Variants in SEM1 observed in about 807,000 individuals in gnomAD.
The protein encoded by SEM1 is SEM1 26S proteasome subunit.
Under a neutral mutation model 12.7 loss-of-function variants are expected in SEM1, and 3 were observed. That is an observed-to-expected ratio of 0.24 (90% CI 0.11 to 0.61). The LOEUF (loss-of-function observed/expected upper bound fraction) is 0.61. Ranked by LOEUF, SEM1 falls within the 20% of genes least tolerant of loss-of-function variation. SEM1 has a pLI of 0.88. For synonymous variants in SEM1, 30 were observed against 27.8 expected (o/e 1.08, Z -0.25); for missense variants, 59 against 81.3 (o/e 0.73, Z 1.06).
At chr7:96,705,921 G>A (rs1790442704) in intron 1 of SEM1, among the ~76,000 whole-genome samples, 1 of 151,894 alleles carries the variant, frequency 6.6e-6, no homozygotes, top group African/African-American at 2.4e-5. Context: ...ATCTTCTCTA[G>A]ACTTTTAAGT....
chr7:96,682,319 T>C (rs572074622), intron 2 of SEM1, among the ~76,000 whole-genome samples: 194 of 152,252 alleles, frequency 1.3e-3, no homozygotes, highest in South Asian at 2.9e-3. Context: ...TATACAACCA[T>C]GTCATCTACA....
intron 3 of SEM1, chr7:96,484,809 A>G (rs1563022097): frequency 7.8e-7 from 1 of 1,279,624 alleles, no homozygotes; most frequent in African/African-American, 1.5e-5. Flanking sequence ...ATCCATTTAT[A>G]TCTTTGTTCC....
intron 2 of SEM1, among the ~76,000 whole-genome samples, chr7:96,577,748 A>T (rs1030430895): frequency 6.6e-6 from 1 of 152,052 alleles, no homozygotes; most frequent in Non-Finnish European, 1.5e-5. Context: ...TTTAAACTTG[A>T]GCTTCAAAAA....
chr7:96,678,189 G>A (rs954117736), intron 2 of SEM1, among the ~76,000 whole-genome samples: 4 of 152,146 alleles, frequency 2.6e-5, no homozygotes, highest in African/African-American at 9.7e-5. Flanking sequence ...AGTGCAGTGA[G>A]AAGAGTACCC....
At chr7:96,549,003 AC>A (rs1805185129) in intron 2 of SEM1, among the ~76,000 whole-genome samples, 1 of 152,168 alleles carries the variant, frequency 6.6e-6, no homozygotes, top group Non-Finnish European at 1.5e-5. Context: ...CACAGAGGAC[AC>A]CTGGGCTGTC....
At chr7:96,650,495 G>A in intron 2 of SEM1, 1 of 756,458 alleles carries the variant, frequency 1.3e-6, no homozygotes, top group Middle Eastern at 2.3e-4. Flanking sequence ...CATTTAGGGA[G>A]ACAGCTCAGG....
rs1267606651 is a variant in SEM1, at chr7:96,691,373, A to C, written c.171-2407T>G. 2.0e-5 allele frequency among the ~76,000 whole-genome samples: 3 copies of C among 152,226 alleles called. No individual in the cohort carries two copies. In the East Asian group the frequency reaches 5.8e-4, roughly 29 times the overall value. ...GTTAAATCACTTAAACGTTATAATA[A>C]CTCTAGCAGTAAAGCACTAATTATC... is the stretch of plus-strand genomic sequence containing the variant. On this transcript the variant is annotated intron_variant, in intron 2 of 2. Transcript: ENST00000248566.
intron 1 of SEM1, among the ~76,000 whole-genome samples, chr7:96,495,827 C>T (rs1803220406): frequency 6.6e-6 from 1 of 152,102 alleles, no homozygotes; most frequent in Admixed American, 6.6e-5. Flanking sequence ...AGATGAAGGT[C>T]TTGTTTGAGA....
intron 2 of SEM1, among the ~76,000 whole-genome samples, chr7:96,595,331 G>A (rs1044901128): frequency 2.0e-5 from 3 of 151,972 alleles, no homozygotes; most frequent in African/African-American, 7.3e-5. Context: ...TGGGCAACAT[G>A]GCAAAACCCC....
Position 96,525,788 on chromosome 7 carries a change from C to T in SEM1, c.171-19090G>A, listed in dbSNP as rs191541962. ...GAGGCGCGTTAACTCCTCATAGGAA[C>T]GCCAACCCTATTGTGAACTACACTT... On this transcript the variant is annotated intron_variant and NMD_transcript_variant, in intron 2 of 3. Coordinates refer to the SEM1 transcript ENST00000466986. 4.9e-4 allele frequency among the ~76,000 whole-genome samples: 75 copies of T among 152,232 alleles called. 1 individual carries two copies. Among genetic ancestry groups the T allele is most frequent in the African/African-American group, 1.3e-3 (56 of 41,558 alleles).
At position 96,530,192 on chromosome 7, in the gene SEM1, G is replaced by C. The variant is rs140106956; in HGVS notation, c.171-23494C>G. Among the ~76,000 whole-genome samples, 411 of 152,230 alleles carry C rather than the reference G, an allele frequency of 2.7e-3. 1 individual carries two copies. The highest frequency in any genetic ancestry group is 9.5e-3 in the African/African-American group (396 of 41,572). ...AGATTGCTAGGAAAGGCCATAGCTT[G>C]TCTGGACTGGGTGGGTGGCAATTGA... On this transcript the variant is annotated intron_variant and NMD_transcript_variant, in intron 2 of 3. Transcript: ENST00000466986.
chr7:96,521,079 T>G (rs1804253917), intron 2 of SEM1, among the ~76,000 whole-genome samples: 1 of 152,070 alleles, frequency 6.6e-6, no homozygotes, highest in Admixed American at 6.6e-5. Flanking sequence ...GCTTGAAATT[T>G]TAAACTATTT....
At chr7:96,671,468 C>T (rs1789315065), downstream of SEM1, among the ~76,000 whole-genome samples, 1 of 151,936 alleles carries the variant, frequency 6.6e-6, no homozygotes, top group Admixed American at 6.6e-5. Context: ...CCCATGAGGA[C>T]TTTAGAATCT....
chr7:96,537,945 A>G (rs774758156), intron 2 of SEM1, among the ~76,000 whole-genome samples: 2 of 151,298 alleles, frequency 1.3e-5, no homozygotes, highest in African/African-American at 2.4e-5. Flanking sequence ...ATTTTCCCAC[A>G]TTTCTTTGGG....
At chr7:96,507,047 A>C (rs1431450680) in intron 2 of SEM1, among the ~76,000 whole-genome samples, 4 of 152,058 alleles carry the variant, frequency 2.6e-5, no homozygotes, top group African/African-American at 9.7e-5. Flanking sequence ...GTAATACTTT[A>C]TCTCTTTATT....
chr7:96,593,586 G>T (rs1806903654), intron 2 of SEM1, among the ~76,000 whole-genome samples: 1 of 152,086 alleles, frequency 6.6e-6, no homozygotes, highest in Non-Finnish European at 1.5e-5. Flanking sequence ...ATTCTTCTTA[G>T]AAATAGATTA....
chr7:96,490,721 A>G (rs889774475), intron 1 of SEM1, among the ~76,000 whole-genome samples: 6 of 152,168 alleles, frequency 3.9e-5, no homozygotes, highest in Admixed American at 6.5e-5. Flanking sequence ...ATCACATTGG[A>G]AGGTGTGCTG....
chr7:96,619,886 C>T (rs891095730), downstream of SEM1, among the ~76,000 whole-genome samples: 1 of 152,080 alleles, frequency 6.6e-6, no homozygotes, highest in Non-Finnish European at 1.5e-5. Context: ...TGCCCAAGGG[C>T]AGGGGGAAGC....
intron 2 of SEM1, among the ~76,000 whole-genome samples, chr7:96,557,175 CCTT>C (rs1183622296): frequency 4.6e-5 from 7 of 151,372 alleles, no homozygotes; most frequent in African/African-American, 1.7e-4. Context: ...TCGTCTGAAG[CCTT>C]CTTCTCTCAG....
Sources: gnomAD v4.1 joint callset for allele counts (sites outside exome capture counted in the v4.1 genomes callset) on GRCh38, gnomAD v4.1.1 for gene constraint, MANE v1.5 for transcripts, NCBI Gene and HGNC (gene_info 2026-07-23, HGNC 2026-07-21) for gene names.